DNAH9: variants seen among roughly 807,000 people sequenced by gnomAD.
DNAH9 encodes the protein dynein axonemal heavy chain 9, also known as DNAH9 variant protein.
A neutral mutation model predicts 471.6 loss-of-function variants in DNAH9; 345 were observed. The ratio of observed to expected loss-of-function variants is 0.73; its 90% CI spans 0.67 to 0.80. DNAH9 has a LOEUF of 0.80. Ranked by LOEUF, DNAH9 falls within the 30% of genes least tolerant of loss-of-function variation. The pLI is 0.00. For missense variants in DNAH9, 5,407 were observed against 5,609.2 expected (o/e 0.96, Z 1.15); for synonymous variants, 2,093 against 2,123.6 (o/e 0.99, Z 0.40).
At chr17:11,608,659 A>G (rs902444732) in intron 2 of DNAH9, among the ~76,000 whole-genome samples, 3 of 152,180 alleles carry the variant, frequency 2.0e-5, no homozygotes, top group African/African-American at 4.8e-5. Context: ...GCAAAGACCC[A>G]GGTCCAGTCT....
intron 29 of DNAH9, among the ~76,000 whole-genome samples, chr17:11,741,706 A>G (rs2075435351): frequency 6.6e-6 from 1 of 152,198 alleles, no homozygotes; most frequent in Non-Finnish European, 1.5e-5. Context: ...CTGGGTGTTT[A>G]GGATTAGAGG....
At chr17:11,816,917 G>A (rs2150934889) in intron 45 of DNAH9, among the ~76,000 whole-genome samples, 1 of 152,148 alleles carries the variant, frequency 6.6e-6, no homozygotes, top group Admixed American at 6.5e-5. Context: ...AAATTAGCCG[G>A]GTGTGGTGGC....
chr17:11,717,959 C>T (rs983450419), intron 26 of DNAH9, among the ~76,000 whole-genome samples: 5 of 152,168 alleles, frequency 3.3e-5, no homozygotes, highest in African/African-American at 9.7e-5. Flanking sequence ...CTGCAACCTC[C>T]TCCTCCCAGG....
At chr17:11,916,992 C>G (rs1317054802) in intron 61 of DNAH9, among the ~76,000 whole-genome samples, 1 of 152,092 alleles carries the variant, frequency 6.6e-6, no homozygotes, top group Non-Finnish European at 1.5e-5. Flanking sequence ...TTTTGTGGCA[C>G]TCAGTCTCCT....
chr17:11,761,542 C>T (rs1389669549), intron 35 of DNAH9, among the ~76,000 whole-genome samples: 1 of 152,232 alleles, frequency 6.6e-6, no homozygotes, highest in Admixed American at 6.5e-5. Flanking sequence ...TCTGCCTCAC[C>T]TTATCCCTTA....
rs201372749 is a variant in DNAH9, at chr17:11,690,001, C to T, written c.4179C>T (p.Thr1393=). ...ERHWRQLMQA[T]GVSFTMDQDT... Reference sequence around the variant, plus strand: ...ACTGGAGGCAGCTGATGCAGGCCACCGGTGTGAGCTTCACTATGGACCAGG... The same window carrying T: ...ACTGGAGGCAGCTGATGCAGGCCACTGGTGTGAGCTTCACTATGGACCAGG... Residue 1393 remains threonine, a synonymous_variant, in exon 20 of 69, where the codon ACC becomes ACT. Coordinates refer to ENST00000262442, the MANE Select transcript of DNAH9 (RefSeq NM_001372.4). 2.1e-5 allele frequency: 34 copies of T among 1,614,134 alleles called. 1 individual carries two copies. In the East Asian group the frequency reaches 3.6e-4, roughly 17 times the overall value.
At chr17:11,710,336 C>T (rs1437877949) in intron 26 of DNAH9, among the ~76,000 whole-genome samples, 1 of 152,060 alleles carries the variant, frequency 6.6e-6, no homozygotes, top group East Asian at 1.9e-4. Flanking sequence ...TATGAACTCA[C>T]TTATATGTAC....
chr17:11,654,497 T>A (rs2073594914), intron 14 of DNAH9, among the ~76,000 whole-genome samples: 1 of 151,660 alleles, frequency 6.6e-6, no homozygotes, highest in Non-Finnish European at 1.5e-5. Flanking sequence ...GAGAAAAAAT[T>A]CAGACAAATC....
In DNAH9 at chr17:11,720,925, C is replaced by A. The variant is rs557466279; in HGVS notation, c.5709+1435C>A. On this transcript the variant is annotated intron_variant, in intron 27 of 68. Coordinates refer to ENST00000262442, the MANE Select transcript of DNAH9 (RefSeq NM_001372.4). Reference sequence around the variant, plus strand: ...AACAGAAAGGTGGAGTTTTCTCCCCCCTTTATAGAAATGACCTCAGCCTTA... The same window carrying A: ...AACAGAAAGGTGGAGTTTTCTCCCCACTTTATAGAAATGACCTCAGCCTTA... Among the ~76,000 whole-genome samples the A allele has an allele frequency of 8.5e-5, 13 of 152,228 alleles. No homozygotes were observed. The South Asian group carries it at 2.5e-3, about 29-fold the overall frequency.
At chr17:11,778,694 A>G (rs904653930) in intron 38 of DNAH9, among the ~76,000 whole-genome samples, 1 of 152,112 alleles carries the variant, frequency 6.6e-6, no homozygotes, top group Non-Finnish European at 1.5e-5. Context: ...AGAGATAACA[A>G]ATGGGAAGCC....
At chr17:11,708,833 CTGTATGTTCCGAGATAACAT>C (rs1177211280) in intron 26 of DNAH9, among the ~76,000 whole-genome samples, 1 of 152,156 alleles carries the variant, frequency 6.6e-6, no homozygotes, top group Non-Finnish European at 1.5e-5. Context: ...CCGCTCTAGA[CTGTATGTTCCGAGATAACAT>C]TGACCTTCAT....
intron 8 of DNAH9, among the ~76,000 whole-genome samples, chr17:11,633,188 A>G (rs1022142417): frequency 6.6e-6 from 1 of 152,212 alleles, no homozygotes; most frequent in Admixed American, 6.5e-5. Context: ...CAAGGCGTAG[A>G]TGATGCATAG....
At chr17:11,795,244 A>G (rs1016317863) in intron 42 of DNAH9, among the ~76,000 whole-genome samples, 1 of 152,204 alleles carries the variant, frequency 6.6e-6, no homozygotes, top group African/African-American at 2.4e-5. Context: ...AGGCATTGAT[A>G]TAGTAGCACA....
At chr17:11,751,197 G>T (rs1967134635) in intron 32 of DNAH9, among the ~76,000 whole-genome samples, 1 of 151,524 alleles carries the variant, frequency 6.6e-6, no homozygotes, top group Admixed American at 6.6e-5. Flanking sequence ...CTAGTGAAAA[G>T]AAAAAGTTAA....
rs1193526378 is a variant in DNAH9, at chr17:11,854,138, A to G, written c.9643A>G (p.Met3215Val). ...DRSWKAAKVTMAKVDGFLDSL... is the reference protein window; with the variant it reads ...DRSWKAAKVTVAKVDGFLDSL... ...GAGCTGGAAGGCTGCTAAGGTCACC[A>G]TGGCCAAAGTGGATGGCTTCCTGGA... Residue 3215 changes from methionine to valine, a missense_variant, in exon 50 of 69, where the codon ATG (methionine) becomes GTG (valine). Physicochemically the swap from Met to Val is conservative, Grantham distance 21. Around this residue, in one of 3 missense-constraint regions of DNAH9, gnomAD observed 4,636 missense variants for 4,900.3 expected, o/e 0.95. Coordinates refer to ENST00000262442, the MANE Select transcript of DNAH9 (RefSeq NM_001372.4). 2.5e-6 allele frequency: 4 copies of G among 1,614,038 alleles called. No homozygotes were observed. Among genetic ancestry groups the G allele is most frequent in the East Asian group, 2.2e-5 (1 of 44,890 alleles).
chr17:11,636,564 T>C, intron 8 of DNAH9, 70 bp from the exon 9 acceptor site: 1 of 1,306,908 alleles, frequency 7.7e-7, no homozygotes, highest in Non-Finnish European at 1.1e-6. Context: ...ACCAGAACAC[T>C]GGATTTGTAT....
At chr17:11,888,046 G>C (rs1354378388) in intron 57 of DNAH9, among the ~76,000 whole-genome samples, 1 of 151,264 alleles carries the variant, frequency 6.6e-6, no homozygotes, top group Non-Finnish European at 1.5e-5. Flanking sequence ...GCAGAGGCGC[G>C]ATCTCGGCTT....
chr17:11,705,511 T>A (rs912163589), intron 26 of DNAH9: 34 of 222,000 alleles, frequency 1.5e-4, no homozygotes, highest in Admixed American at 1.4e-3. Context: ...TTTCCTCATC[T>A]GTGAAATGGA....
chr17:11,693,311 C>T (rs1597487047), intron 20 of DNAH9, among the ~76,000 whole-genome samples: 2 of 128,184 alleles, frequency 1.6e-5, no homozygotes, highest in East Asian at 4.9e-4. Flanking sequence ...GTGGCACGAT[C>T]TTGGCTCTCT....
Sources: gnomAD v4.1 joint callset for allele counts (sites outside exome capture counted in the v4.1 genomes callset) on GRCh38, gnomAD v4.1.1 for gene constraint, gnomAD v4.1.1 regional missense constraint, MANE v1.5 for transcripts, NCBI Gene and HGNC (gene_info 2026-07-23, HGNC 2026-07-21) for gene names.